STK40: variants seen among roughly 807,000 people sequenced by gnomAD.
The protein encoded by STK40 is serine/threonine-protein kinase 40.
In STK40, 13 loss-of-function variants were observed where a neutral mutation model predicts 47.9. The observed-to-expected ratio is 0.27, with a 90% CI of 0.18 to 0.43. The LOEUF (loss-of-function observed/expected upper bound fraction) is 0.43. Ranked by LOEUF, STK40 falls within the 20% of genes least tolerant of loss-of-function variation. STK40 has a pLI of 1.00. For synonymous variants in STK40, 225 were observed against 243.2 expected (o/e 0.93, Z 0.69); for missense variants, 460 against 595.1 (o/e 0.77, Z 2.36).
chr1:36,344,102 C>A lies in STK40; in HGVS notation c.884+18G>T. On this transcript the variant is annotated intron_variant, in intron 8 of 10. Coordinates refer to ENST00000373132, the MANE Select transcript of STK40 (RefSeq NM_001282547.2). ...TCAGGCTGGCTGCCCCCCCCACCCC[C>A]CGGGAGGCAGGACTCACTCAGGAAT... The A allele has an allele frequency of 6.3e-7, 1 of 1,584,628 alleles. No individual in the cohort carries two copies. Among genetic ancestry groups the A allele is most frequent in the South Asian group, 1.1e-5 (1 of 88,672 alleles).
At chr1:36,361,847 T>C (rs1038702688) in intron 1 of STK40, among the ~76,000 whole-genome samples, 1 of 152,166 alleles carries the variant, frequency 6.6e-6, no homozygotes, top group African/African-American at 2.4e-5. Flanking sequence ...AATGGGATGC[T>C]TGTTACACGA....
rs1170166317 is a variant in STK40 at position 36,366,836 on chromosome 1, CT to C, written c.-8-5497del. The stretch of plus-strand genomic sequence containing the variant: ...TTAACTCTTCTACATTCTTCTTCTT[CT>C]TTTTTTTTTTTTTTTGAGACAGAGT... On this transcript the variant is annotated intron_variant, in intron 1 of 10. Coordinates refer to ENST00000373132, the MANE Select transcript of STK40 (RefSeq NM_001282547.2). Among the ~76,000 whole-genome samples the C allele has an allele frequency of 2.8e-3, 396 of 139,008 alleles. 1 individual carries two copies. Among genetic ancestry groups the C allele is most frequent in the East Asian group, 9.1e-3 (44 of 4,860 alleles). The allele number at this position is 139,008 out of a possible 152,430, so 91.2% of individuals were successfully genotyped here. A position where few individuals can be genotyped will look rare whatever the true frequency, so the allele number is the denominator to read the frequency against.
intron 7 of STK40, 134 bp from the exon 8 acceptor site, chr1:36,344,398 C>T (rs1646681919): frequency 2.6e-6 from 3 of 1,158,964 alleles, no homozygotes; most frequent in South Asian, 3.4e-5. Flanking sequence ...TGAGCTCCTG[C>T]CCGTGCTCCC....
At chr1:36,385,226 T>A (rs1482128354) in intron 1 of STK40, among the ~76,000 whole-genome samples, 1 of 152,170 alleles carries the variant, frequency 6.6e-6, no homozygotes, top group Non-Finnish European at 1.5e-5. Context: ...TAGCTGTGAC[T>A]CGTACCTGAA....
intron 1 of STK40, among the ~76,000 whole-genome samples, chr1:36,384,157 G>A (rs1647065383): frequency 6.6e-6 from 1 of 151,976 alleles, no homozygotes; most frequent in African/African-American, 2.4e-5. Context: ...AGCCTCCCGA[G>A]TAGCTGGGAT....
chr1:36,367,784 C>T (rs948691062), intron 1 of STK40: 13 of 985,348 alleles, frequency 1.3e-5, no homozygotes, highest in Non-Finnish European at 1.6e-5. Context: ...GAGGGTCCCC[C>T]ACTCTACACT....
At chr1:36,357,817 T>C (rs571527049) in intron 4 of STK40, among the ~76,000 whole-genome samples, 4 of 152,110 alleles carry the variant, frequency 2.6e-5, no homozygotes, top group Non-Finnish European at 4.4e-5. Flanking sequence ...GGGTTTCACC[T>C]TGTTGGCCAG....
intron 6 of STK40, 128 bp from the exon 7 acceptor site, chr1:36,348,943 G>C (rs1471314466): frequency 3.8e-6 from 3 of 792,778 alleles, no homozygotes; most frequent in Non-Finnish European, 6.3e-6. Flanking sequence ...TCTCGTCAGA[G>C]GGTGAAGCAG....
At chr1:36,385,078 A>C (rs763710530) in intron 1 of STK40, among the ~76,000 whole-genome samples, 1 of 152,222 alleles carries the variant, frequency 6.6e-6, no homozygotes, top group Non-Finnish European at 1.5e-5. Context: ...AGGAATCCGA[A>C]TGTCCCTACC....
intron 1 of STK40, among the ~76,000 whole-genome samples, chr1:36,363,746 C>T (rs1367117873): frequency 6.8e-6 from 1 of 147,440 alleles, no homozygotes; most frequent in African/African-American, 2.5e-5. Flanking sequence ...ACCTGGGAGG[C>T]GGAGCTTGCA....
chr1:36,381,989 T>C (rs1208724525), intron 1 of STK40, among the ~76,000 whole-genome samples: 1 of 152,062 alleles, frequency 6.6e-6, no homozygotes, highest in African/African-American at 2.4e-5. Flanking sequence ...TCCATCCTCC[T>C]CCTGCCCCCA....
intron 9 of STK40, among the ~76,000 whole-genome samples, 192 bp downstream of exon 9, chr1:36,343,668 T>G (rs1489035690): frequency 3.3e-5 from 5 of 152,210 alleles, no homozygotes; most frequent in Non-Finnish European, 7.3e-5. Flanking sequence ...AGGGCCTGGG[T>G]AACTATGGCA....
Position 36,348,830 on chromosome 1 carries a change from C to G in STK40, c.624-15G>C, listed in dbSNP as rs1646726902. 6.3e-7 allele frequency: 1 copy of G among 1,585,046 alleles called. No homozygotes were observed. Among genetic ancestry groups the G allele is most frequent in the Admixed American group, 1.8e-5 (1 of 56,196 alleles). ...TCCGATGTGTCCTAGGAGTGGGAGA[C>G]AGAGTGAACAAACCTCAGTGTCTAT... On this transcript the variant is annotated splice_polypyrimidine_tract_variant and intron_variant, in intron 6 of 10. Transcript: ENST00000373132.
At chr1:36,358,523 T>C (rs960725810) in intron 3 of STK40, 141 bp from the exon 4 acceptor site, 4 of 1,283,864 alleles carry the variant, frequency 3.1e-6, no homozygotes, top group Non-Finnish European at 3.2e-6. Context: ...AGTGAAATCG[T>C]TTTTCTTAAT....
chr1:36,364,614 T>C (rs1049429866), intron 1 of STK40, among the ~76,000 whole-genome samples: 4 of 152,126 alleles, frequency 2.6e-5, no homozygotes, highest in Non-Finnish European at 4.4e-5. Flanking sequence ...TGTAAGGATG[T>C]AACTGACATA....
intron 6 of STK40, among the ~76,000 whole-genome samples, chr1:36,353,629 T>G (rs1175524379): frequency 6.6e-6 from 1 of 152,204 alleles, no homozygotes; most frequent in African/African-American, 2.4e-5. Flanking sequence ...AGAAGCTGCC[T>G]TGCCTAAGAG....
In STK40 at chr1:36,341,604, A is replaced by G. The variant is rs1243947761; in HGVS notation, c.*151T>C. On this transcript the variant is annotated 3_prime_UTR_variant, in exon 11 of 11. Coordinates refer to ENST00000373132, the MANE Select transcript of STK40 (RefSeq NM_001282547.2). ...AGGTAGCTTCGTGGTACCTCTGCTGACCCCACGTGTGACCTGGGCTGTCCC... is the reference window on the plus strand; with the variant it reads ...AGGTAGCTTCGTGGTACCTCTGCTGGCCCCACGTGTGACCTGGGCTGTCCC... The G allele has an allele frequency of 8.1e-6, 7 of 860,832 alleles. No individual in the cohort carries two copies. Among genetic ancestry groups the G allele is most frequent in the African/African-American group, 1.7e-5 (1 of 58,994 alleles). The allele number at this position is 860,832 out of a possible 1,614,324, so 53.3% of individuals were successfully genotyped here.
At position 36,343,972 on chromosome 1, in the gene STK40, G is replaced by C. The variant is rs367878651; in HGVS notation, c.892C>G (p.Arg298Gly). 1 of 1,602,980 alleles carries C rather than the reference G, an allele frequency of 6.2e-7. No individual in the cohort carries two copies. The highest frequency in any genetic ancestry group is 8.5e-7 in the Non-Finnish European group (1 of 1,171,976). ...AAEYTIPEDG[R>G]VSENTVCLIR... ...AGACACACGGTGTTCTCAGAAACCC[G>C]TCCATCCCTGAGGCAGGGAGTTGGG... Residue 298 changes from arginine to glycine, a missense_variant, in exon 9 of 11, where the codon CGG becomes GGG. Physicochemically the swap from Arg to Gly is moderately radical, Grantham distance 125. Around this residue, in one of 3 missense-constraint regions of STK40, gnomAD observed 181 missense variants for 218.9 expected, o/e 0.83. Transcript: ENST00000373132.
At chr1:36,378,300 T>G (rs1031409182) in intron 1 of STK40, among the ~76,000 whole-genome samples, 1 of 151,930 alleles carries the variant, frequency 6.6e-6, no homozygotes, top group African/African-American at 2.4e-5. Flanking sequence ...CAAATGTGAG[T>G]TGGAAATCCC....
Sources: allele counts gnomAD v4.1 joint callset (sites outside exome capture counted in the v4.1 genomes callset), GRCh38; gene constraint gnomAD v4.1.1; regional missense constraint gnomAD v4.1.1; transcripts MANE v1.5; gene names NCBI Gene and HGNC (gene_info 2026-07-23, HGNC 2026-07-21).